The following NEGR1 variants were observed in gnomAD, a reference collection of about 807,000 sequenced individuals.
NEGR1 encodes the protein IgLON family member 4.
NEGR1 carries 10 observed loss-of-function variants against 40.9 expected under a neutral mutation model. That is an observed-to-expected ratio of 0.24 (90% CI 0.15 to 0.42). The LOEUF (loss-of-function observed/expected upper bound fraction) is 0.42, where lower values mean the gene tolerates loss of function less well. NEGR1 is among the 10% of genes least tolerant of loss of function. NEGR1 has a pLI of 1.00. For missense variants in NEGR1, 352 were observed against 438.9 expected (o/e 0.80, Z 1.77); for synonymous variants, 185 against 166.8 (o/e 1.11, Z -0.84).
chr1:71,594,737 C>T (rs1408112081), intron 5 of NEGR1, among the ~76,000 whole-genome samples: 1 of 152,210 alleles, frequency 6.6e-6, no homozygotes, highest in Non-Finnish European at 1.5e-5. Flanking sequence ...TTTTCTGCAT[C>T]ACATTAACAA....
chr1:71,521,294 C>A (rs72938056), intron 6 of NEGR1, among the ~76,000 whole-genome samples: 6,121 of 151,962 alleles, frequency 0.04, 409 homozygotes, highest in African/African-American at 0.14. Flanking sequence ...ACCTTTCATA[C>A]CCCGTTTATA....
chr1:71,870,589 T>C (rs1660252997), intron 2 of NEGR1, among the ~76,000 whole-genome samples: 1 of 152,216 alleles, frequency 6.6e-6, no homozygotes, highest in African/African-American at 2.4e-5. Context: ...CAGTTAAGTA[T>C]AGCTGACTCA....
intron 6 of NEGR1, among the ~76,000 whole-genome samples, chr1:71,541,314 A>G (rs1014140528): frequency 2.6e-5 from 4 of 151,840 alleles, no homozygotes; most frequent in Admixed American, 2.6e-4. Context: ...ACCTGGGTCC[A>G]CAATTTCTGA....
intron 1 of NEGR1, among the ~76,000 whole-genome samples, chr1:72,018,540 A>G (rs1228950675): frequency 6.6e-6 from 1 of 152,202 alleles, no homozygotes; most frequent in East Asian, 1.9e-4. Context: ...ATTTTTAATA[A>G]CTTCTCAGGT....
At chr1:71,436,246 G>A (rs949865901) in intron 6 of NEGR1, among the ~76,000 whole-genome samples, 4 of 149,490 alleles carry the variant, frequency 2.7e-5, no homozygotes, top group African/African-American at 5.1e-5. Flanking sequence ...AAAAAAAGGT[G>A]GGGTATGAAG....
At position 71,607,440 on chromosome 1, in the gene NEGR1, A is replaced by G. The variant is rs187221520; in HGVS notation, c.788+3586T>C. 2.0e-5 allele frequency among the ~76,000 whole-genome samples: 3 copies of G among 152,274 alleles called. No homozygotes were observed. The East Asian group carries it at 5.8e-4, about 29-fold the overall frequency. ...CTAGGTGCCATAGTATAGGGGTTAA[A>G]CCCATGGACTCTGCATGAAGATTTA... On this transcript the variant is annotated intron_variant, in intron 5 of 6. Coordinates refer to ENST00000357731, the MANE Select transcript of NEGR1 (RefSeq NM_173808.3).
intron 6 of NEGR1, among the ~76,000 whole-genome samples, chr1:71,504,272 C>A (rs865981659): frequency 6.6e-6 from 1 of 151,708 alleles, no homozygotes; most frequent in Non-Finnish European, 1.5e-5. Context: ...GGAGGAATTA[C>A]TGAAGGAAGC....
intron 1 of NEGR1, among the ~76,000 whole-genome samples, chr1:72,219,762 A>T (rs934713567): frequency 6.6e-6 from 1 of 152,116 alleles, no homozygotes; most frequent in African/African-American, 2.4e-5. Context: ...GTTAATGCTG[A>T]AAATAGTGCA....
chr1:72,003,998 A>AT (rs1646580718), intron 1 of NEGR1, among the ~76,000 whole-genome samples: 1 of 151,960 alleles, frequency 6.6e-6, no homozygotes, highest in Non-Finnish European at 1.5e-5. Context: ...AGATATATAT[A>AT]TTTTCTCACA....
intron 2 of NEGR1, among the ~76,000 whole-genome samples, chr1:71,813,020 G>A (rs887950976): frequency 2.6e-5 from 4 of 152,006 alleles, no homozygotes; most frequent in Non-Finnish European, 4.4e-5. Flanking sequence ...CCTATGTCCC[G>A]AATTGTATTG....
intron 6 of NEGR1, among the ~76,000 whole-genome samples, chr1:71,470,325 T>C (rs1032812164): frequency 3.9e-5 from 6 of 152,106 alleles, no homozygotes; most frequent in Non-Finnish European, 5.9e-5. Context: ...AGGTACTTTG[T>C]AGCTTAAGGA....
chr1:71,513,816 G>T (rs1029155553), intron 6 of NEGR1, among the ~76,000 whole-genome samples: 50 of 151,108 alleles, frequency 3.3e-4, no homozygotes, highest in Non-Finnish European at 4.4e-5. Flanking sequence ...GAGGTACCGG[G>T]TTCATCTCAC....
chr1:71,935,524 A>AGTGT lies in NEGR1; in HGVS notation c.177-217_177-214dup, dbSNP rs3061582. Among the ~76,000 whole-genome samples, 10 of 149,422 alleles carry AGTGT rather than the reference A, an allele frequency of 6.7e-5. No individual in the cohort carries two copies. In the Middle Eastern group the frequency reaches 0.01, roughly 154 times the overall value. On this transcript the variant is annotated intron_variant, in intron 1 of 6. Transcript: ENST00000357731. ...TTGTGTACAGTTTTTTTAAGTGTGT[A>AGTGT]GTGTGTGTGTGTGTGTGTGTGTGCA...
intron 6 of NEGR1, among the ~76,000 whole-genome samples, chr1:71,550,518 G>A (rs1356743928): frequency 1.3e-5 from 2 of 151,192 alleles, no homozygotes; most frequent in African/African-American, 4.9e-5. Context: ...CCTTCATGCA[G>A]GGACACTAGG....
intron 1 of NEGR1, among the ~76,000 whole-genome samples, chr1:72,015,331 C>T (rs1044268521): frequency 2.0e-5 from 3 of 151,316 alleles, no homozygotes; most frequent in African/African-American, 7.3e-5. Flanking sequence ...GGCACTTCTT[C>T]TAAAAAAAAA....
chr1:72,106,468 T>C (rs1046353029), intron 1 of NEGR1, among the ~76,000 whole-genome samples: 1 of 152,130 alleles, frequency 6.6e-6, no homozygotes, highest in Admixed American at 6.6e-5. Context: ...CTAGCTCTCT[T>C]AGCTTAAGTT....
chr1:71,821,996 G>T (rs149965680), intron 2 of NEGR1, among the ~76,000 whole-genome samples: 1 of 152,070 alleles, frequency 6.6e-6, no homozygotes, highest in Non-Finnish European at 1.5e-5. Context: ...AGGGGGAAGT[G>T]ATTTTAATTT....
chr1:71,468,603 A>G (rs1009249602), intron 6 of NEGR1: 3 of 152,036 alleles, frequency 2.0e-5, no homozygotes, highest in Non-Finnish European at 2.9e-5. Flanking sequence ...AAACAGATCT[A>G]CAGCCTGCTG....
At chr1:71,704,937 GTTGAAAAGATGA>G (rs1467646921) in intron 3 of NEGR1, among the ~76,000 whole-genome samples, 1 of 151,790 alleles carries the variant, frequency 6.6e-6, no homozygotes, top group African/African-American at 2.4e-5. Flanking sequence ...TTATTGCAAG[GTTGAAAAGATGA>G]TTGTGTTACC....
Sources: allele counts gnomAD v4.1 joint callset (sites outside exome capture counted in the v4.1 genomes callset), GRCh38; gene constraint gnomAD v4.1.1; transcripts MANE v1.5; gene names NCBI Gene and HGNC (gene_info 2026-07-23, HGNC 2026-07-21).